MAP6: variants seen among roughly 807,000 people sequenced by gnomAD.
The protein encoded by MAP6 is microtubule associated protein 6.
Under a neutral mutation model 42.4 loss-of-function variants are expected in MAP6, and 26 were observed. That is an observed-to-expected ratio of 0.61 (90% confidence interval 0.45 to 0.85). The LOEUF (loss-of-function observed/expected upper bound fraction) is 0.85. MAP6 is among the 40% of genes least tolerant of loss of function. The pLI is 0.00. For synonymous variants in MAP6, 418 were observed against 443.8 expected, an observed-to-expected ratio of 0.94 and a Z score of 0.73; for missense variants, 966 against 1,099.0, an observed-to-expected ratio of 0.88 and a Z score of 1.71.
intron 1 of MAP6, among the ~76,000 whole-genome samples, chr11:75,649,791 G>C (rs562874657): frequency 6.6e-6 from 1 of 152,110 alleles, no homozygotes; most frequent in East Asian, 1.9e-4. Context: ...CACCCATCTA[G>C]GCCTCCCAAA....
rs1943960852 is a variant in MAP6, at chr11:75,667,130, G to A, written c.905+335C>T. ...GGCTAACGCAGCAGGTGAGTTGGATGGGGGCACGACGGAAGCACAGCCTCT... is the reference window on the plus strand; with the variant it reads ...GGCTAACGCAGCAGGTGAGTTGGATAGGGGCACGACGGAAGCACAGCCTCT... On this transcript the variant is annotated intron_variant, in intron 1 of 3. Transcript: ENST00000304771. This position sits in a 1 kb window ranked among gnomAD's most constrained non-coding sequence, Gnocchi z 5.6. Among the ~76,000 whole-genome samples the A allele has an allele frequency of 6.6e-6, 1 of 152,152 alleles. No homozygotes were observed.
chr11:75,609,732 T>C (rs1942855355), intron 1 of MAP6, among the ~76,000 whole-genome samples: 1 of 152,184 alleles, frequency 6.6e-6, no homozygotes, highest in East Asian at 1.9e-4. Flanking sequence ...AACTGGCTCA[T>C]ATGTGAAGAG....
chr11:75,649,239 G>A (rs1040368446), intron 1 of MAP6, among the ~76,000 whole-genome samples: 3 of 152,146 alleles, frequency 2.0e-5, no homozygotes, highest in Non-Finnish European at 4.4e-5. Context: ...GGGTATTTAC[G>A]TATATGTGTG....
intron 1 of MAP6, among the ~76,000 whole-genome samples, chr11:75,666,854 C>T (rs1943956576): frequency 6.6e-6 from 1 of 152,136 alleles, no homozygotes; most frequent in South Asian, 2.1e-4. Context: ...GAAACTTGCC[C>T]AATATGTCAC....
Position 75,630,174 on chromosome 11 carries a change from C to T in MAP6, c.906-21852G>A, listed in dbSNP as rs1943263415. On this transcript the variant is annotated intron_variant, in intron 1 of 3. Transcript: ENST00000304771. ...CCCTCTCCCAGAAATCCACCCAGCC[C>T]AGTTAGAGAACCAGCATGGGACTCC... 2.0e-5 allele frequency among the ~76,000 whole-genome samples: 3 copies of T among 152,324 alleles called. No homozygotes were observed. The South Asian group carries it at 6.2e-4, about 32-fold the overall frequency.
intron 3 of MAP6, among the ~76,000 whole-genome samples, chr11:75,589,666 CATAGTAGGTGCT>C (rs1415805568): frequency 2.0e-5 from 3 of 152,178 alleles, no homozygotes; most frequent in African/African-American, 7.2e-5. Context: ...GTGCCTGGCA[CATAGTAGGTGCT>C]CAATGCAAGG....
intron 3 of MAP6, chr11:75,605,271 G>T: frequency 2.0e-6 from 2 of 985,774 alleles, no homozygotes. Context: ...CCCTTTTATT[G>T]ACATTAAGGC....
chr11:75,589,623 T>A (rs1942440569), intron 3 of MAP6, among the ~76,000 whole-genome samples: 1 of 152,104 alleles, frequency 6.6e-6, no homozygotes, highest in Admixed American at 6.6e-5. Flanking sequence ...TCTGGATCCT[T>A]CCGCTCCTGG....
rs573497519 is a variant in MAP6 at position 75,632,588 on chromosome 11, C to T, written c.906-24266G>A. Among the ~76,000 whole-genome samples, 179 of 152,290 alleles carry T rather than the reference C, an allele frequency of 1.2e-3. 1 individual carries two copies. Among genetic ancestry groups the T allele is most frequent in the Non-Finnish European group, 2.1e-3 (141 of 68,024 alleles). The stretch of plus-strand genomic sequence containing the variant: ...GATTCTATAATCTACTGGCTTCTAA[C>T]TGTTCACTGTTCAAAGAAGATAGAT... On this transcript the variant is annotated intron_variant, in intron 1 of 3. Transcript: ENST00000304771.
intron 1 of MAP6, among the ~76,000 whole-genome samples, chr11:75,616,472 A>C (rs980333733): frequency 6.6e-6 from 1 of 152,218 alleles, no homozygotes; most frequent in Non-Finnish European, 1.5e-5. Context: ...TACATTTGTT[A>C]TTGTAAAATG....
chr11:75,646,224 T>C (rs1033053159), intron 1 of MAP6, among the ~76,000 whole-genome samples: 1 of 152,102 alleles, frequency 6.6e-6, no homozygotes, highest in Admixed American at 6.5e-5. Context: ...CAGCATACCA[T>C]AGAATGGTAT....
At chr11:75,662,693 A>G (rs1943873464) in intron 1 of MAP6, among the ~76,000 whole-genome samples, 1 of 152,262 alleles carries the variant, frequency 6.6e-6, no homozygotes, top group Non-Finnish European at 1.5e-5. Flanking sequence ...TTATAAAAGT[A>G]GATCATAACG....
At chr11:75,616,072 T>C (rs1942989790) in intron 1 of MAP6, among the ~76,000 whole-genome samples, 1 of 152,032 alleles carries the variant, frequency 6.6e-6, no homozygotes, top group African/African-American at 2.4e-5. Flanking sequence ...AACAAGGAAA[T>C]AGAATTATAT....
intron 1 of MAP6, among the ~76,000 whole-genome samples, chr11:75,633,645 C>A (rs1449929378): frequency 3.3e-5 from 5 of 152,138 alleles, no homozygotes; most frequent in African/African-American, 1.2e-4. Context: ...TGTGTGCTTA[C>A]CTAGGGTCAA....
intron 1 of MAP6, among the ~76,000 whole-genome samples, chr11:75,646,187 A>G (rs1399718130): frequency 6.6e-6 from 1 of 152,180 alleles, no homozygotes; most frequent in African/African-American, 2.4e-5. Context: ...CAGTGATAGC[A>G]GACTTCTCAC....
chr11:75,596,083 T>G (rs910974058), intron 3 of MAP6: 6 of 152,242 alleles, frequency 3.9e-5, no homozygotes, highest in African/African-American at 1.4e-4. Flanking sequence ...TAGCACCTTT[T>G]TTGGCCCTCC....
intron 1 of MAP6, among the ~76,000 whole-genome samples, chr11:75,629,882 T>A (rs1943257957): frequency 6.6e-6 from 1 of 152,184 alleles, no homozygotes; most frequent in Non-Finnish European, 1.5e-5. Context: ...GGAAGTCTTG[T>A]TGACAGAGGA....
At chr11:75,637,994 A>G (rs527466538) in intron 1 of MAP6, among the ~76,000 whole-genome samples, 1 of 152,346 alleles carries the variant, frequency 6.6e-6, no homozygotes, top group East Asian at 1.9e-4. Context: ...AAAACTGAAA[A>G]CAAGTGAAAT....
intron 1 of MAP6, among the ~76,000 whole-genome samples, chr11:75,624,415 T>A (rs1218856224): frequency 1.3e-5 from 2 of 152,112 alleles, no homozygotes; most frequent in Non-Finnish European, 2.9e-5. Context: ...TTACATGCAC[T>A]CACTCTCTCA....
Sources: allele counts gnomAD v4.1 joint callset (sites outside exome capture counted in the v4.1 genomes callset), GRCh38; gene constraint gnomAD v4.1.1; non-coding constraint Gnocchi (gnomAD v3.1); transcripts MANE v1.5; gene names NCBI Gene and HGNC (gene_info 2026-07-23, HGNC 2026-07-21).